Variants in MEIS2 observed in about 807,000 individuals in gnomAD.
MEIS2 encodes Meis homeobox 2, also known as homeobox protein Meis2.
A neutral mutation model predicts 58.6 loss-of-function variants in MEIS2; 9 were observed. The observed-to-expected ratio is 0.15, with a 90% CI of 0.09 to 0.27. The LOEUF is 0.27. Ranked by LOEUF, MEIS2 falls within the 10% of genes least tolerant of loss-of-function variation. The probability of loss-of-function intolerance (pLI) is 1.00; values close to 1 mark genes in which losing one functional copy is unlikely to be tolerated. For missense variants in MEIS2, 427 were observed against 635.0 expected, an observed-to-expected ratio of 0.67 and a Z score of 3.52; for synonymous variants, 221 against 228.4, an observed-to-expected ratio of 0.97 and a Z score of 0.29.
At chr15:36,979,309 T>C (rs1382882578) in intron 8 of MEIS2, among the ~76,000 whole-genome samples, 6 of 152,144 alleles carry the variant, frequency 3.9e-5, no homozygotes, top group Non-Finnish European at 8.8e-5. Flanking sequence ...ATATATTACA[T>C]ATATGCATAT....
At chr15:37,090,940 G>T (rs924452368) in intron 6 of MEIS2, among the ~76,000 whole-genome samples, 1 of 152,122 alleles carries the variant, frequency 6.6e-6, no homozygotes, top group African/African-American at 2.4e-5. Flanking sequence ...AAAACAACGC[G>T]CTGTCTGGGC....
intron 8 of MEIS2, among the ~76,000 whole-genome samples, chr15:37,031,978 A>G (rs551796799): frequency 9.3e-4 from 141 of 152,140 alleles, no homozygotes; most frequent in African/African-American, 3.1e-3. Context: ...AGCAGGGACC[A>G]CAGGCATGTG....
At chr15:36,976,369 C>T (rs763500353) in intron 8 of MEIS2, among the ~76,000 whole-genome samples, 4 of 151,936 alleles carry the variant, frequency 2.6e-5, no homozygotes, top group Non-Finnish European at 4.4e-5. Flanking sequence ...CAGGCGTGAG[C>T]CACCGCGCCT....
chr15:36,893,486 T>C (rs1186993455), intron 11 of MEIS2, among the ~76,000 whole-genome samples: 2 of 152,192 alleles, frequency 1.3e-5, no homozygotes, highest in African/African-American at 4.8e-5. Context: ...AGCTCTCTGT[T>C]TATTCTACCA....
At position 36,891,036 on chromosome 15, in the gene MEIS2, A is replaced by G. The variant is rs1268439563; in HGVS notation, c.*1137T>C. ...CGCAAAAGCCTAACAAAAAATCAAAAATGAAATATTTATTACCGCTTTTTG... is the reference window on the plus strand; with the variant it reads ...CGCAAAAGCCTAACAAAAAATCAAAGATGAAATATTTATTACCGCTTTTTG... On this transcript the variant is annotated 3_prime_UTR_variant, in exon 12 of 12. Transcript: ENST00000561208. The G allele has an allele frequency of 6.6e-6, 1 of 152,088 alleles. No homozygotes were observed. Among genetic ancestry groups the G allele is most frequent in the Non-Finnish European group, 1.5e-5 (1 of 67,964 alleles). 9.4% of individuals were successfully genotyped at this position (152,088 alleles called of 1,614,324 possible). A position where few individuals can be genotyped will look rare whatever the true frequency, so the allele number is the denominator to read the frequency against.
intron 8 of MEIS2, among the ~76,000 whole-genome samples, chr15:37,002,288 C>G (rs957859257): frequency 8.0e-5 from 11 of 138,280 alleles, no homozygotes; most frequent in Non-Finnish European, 9.3e-5. Flanking sequence ...CTTCAAAGTT[C>G]TCCCTCCTCC....
At chr15:37,023,579 A>C (rs528427177) in intron 8 of MEIS2, among the ~76,000 whole-genome samples, 1 of 152,232 alleles carries the variant, frequency 6.6e-6, no homozygotes, top group African/African-American at 2.4e-5. Flanking sequence ...CTGCTCTAAC[A>C]TCTTCCCTCT....
intron 9 of MEIS2, among the ~76,000 whole-genome samples, chr15:36,907,855 A>T (rs1317655251): frequency 6.6e-6 from 1 of 152,170 alleles, no homozygotes; most frequent in Non-Finnish European, 1.5e-5. Flanking sequence ...AAATATGCAT[A>T]CGTATATTCT....
intron 9 of MEIS2, among the ~76,000 whole-genome samples, chr15:36,907,241 G>C (rs1451238191): frequency 6.6e-6 from 1 of 152,234 alleles, no homozygotes; most frequent in East Asian, 1.9e-4. Context: ...CCTCCATTAA[G>C]TGTGATGGCT....
intron 8 of MEIS2, among the ~76,000 whole-genome samples, chr15:36,999,564 C>G (rs1428559400): frequency 6.6e-6 from 1 of 152,174 alleles, no homozygotes; most frequent in Non-Finnish European, 1.5e-5. Context: ...CTTGACCCAT[C>G]CTGCAGGGAG....
At chr15:36,989,863 C>G (rs1193438835) in intron 8 of MEIS2, among the ~76,000 whole-genome samples, 1 of 152,182 alleles carries the variant, frequency 6.6e-6, no homozygotes, top group Non-Finnish European at 1.5e-5. Flanking sequence ...TGCCAGCTTA[C>G]TTGTTGGTAG....
At chr15:36,953,718 G>A (rs2058846941) in intron 8 of MEIS2, among the ~76,000 whole-genome samples, 1 of 152,172 alleles carries the variant, frequency 6.6e-6, no homozygotes, top group Non-Finnish European at 1.5e-5. Context: ...AAGCTAAGAA[G>A]ACATGTATGG....
At chr15:36,950,456 T>C (rs1489605385) in intron 8 of MEIS2, 56 bp from the exon 9 acceptor site, 13 of 1,519,114 alleles carry the variant, frequency 8.6e-6, no homozygotes, top group Middle Eastern at 1.7e-4. Context: ...AAGAGTCACT[T>C]ACTTCTAAGA....
chr15:37,097,195 G>A (rs918633382), intron 2 of MEIS2: 1 of 152,190 alleles, frequency 6.6e-6, no homozygotes, highest in Admixed American at 6.5e-5. Flanking sequence ...GGATGCTTGC[G>A]GCCTCTGGCT....
intron 8 of MEIS2, among the ~76,000 whole-genome samples, chr15:37,009,896 G>T (rs1318573121): frequency 6.6e-6 from 1 of 152,178 alleles, no homozygotes; most frequent in East Asian, 1.9e-4. Flanking sequence ...AACTAAATCA[G>T]TTAAACTAGC....
At chr15:36,987,803 C>T (rs1018197592) in intron 8 of MEIS2, among the ~76,000 whole-genome samples, 2 of 150,538 alleles carry the variant, frequency 1.3e-5, no homozygotes, top group East Asian at 1.9e-4. Context: ...TTTTTAAACA[C>T]TTGATTCAGT....
At position 37,100,412 on chromosome 15, in the gene MEIS2, G is replaced by T. The variant is rs892739886; in HGVS notation, c.-946C>A. 1 of 153,146 alleles carries T rather than the reference G, an allele frequency of 6.5e-6. No individual in the cohort carries two copies. Among genetic ancestry groups the T allele is most frequent in the Non-Finnish European group, 1.5e-5 (1 of 68,580 alleles). 9.5% of individuals were successfully genotyped at this position (153,146 alleles called of 1,614,324 possible). ...GAGCCTCAGTTTGGCGGCGCGGGTC[G>T]GCGGCGGGAGAACGAAATGACGGAA... On this transcript the variant is annotated 5_prime_UTR_variant, in exon 1 of 12. Transcript: ENST00000561208.
At chr15:36,957,731 G>A (rs2059033771) in intron 8 of MEIS2, among the ~76,000 whole-genome samples, 1 of 152,160 alleles carries the variant, frequency 6.6e-6, no homozygotes, top group South Asian at 2.1e-4. Context: ...ACAGCACTTA[G>A]CTCAGTATTT....
At chr15:36,991,563 T>C (rs2060274683) in intron 8 of MEIS2, among the ~76,000 whole-genome samples, 1 of 152,076 alleles carries the variant, frequency 6.6e-6, no homozygotes, top group African/African-American at 2.4e-5. Flanking sequence ...TGAGAGAGCC[T>C]GAAGAAAATA....
Sources: allele counts gnomAD v4.1 joint callset (sites outside exome capture counted in the v4.1 genomes callset), GRCh38; gene constraint gnomAD v4.1.1; transcripts MANE v1.5; gene names NCBI Gene and HGNC (gene_info 2026-07-23, HGNC 2026-07-21).